PPP4R3A: variants seen among roughly 807,000 people sequenced by gnomAD.
The protein encoded by PPP4R3A is protein phosphatase 4 regulatory subunit 3A, also known as serine/threonine-protein phosphatase 4 regulatory subunit 3A.
Under a neutral mutation model 91.7 loss-of-function variants are expected in PPP4R3A, and 15 were observed. That is an observed-to-expected ratio of 0.16 (90% CI 0.11 to 0.25). PPP4R3A has a LOEUF of 0.25. Ranked by LOEUF, PPP4R3A falls within the 10% of genes least tolerant of loss-of-function variation. The pLI is 1.00. For missense variants in PPP4R3A, 623 were observed against 998.4 expected, an observed-to-expected ratio of 0.62 and a Z score of 5.07; for synonymous variants, 377 against 348.7, an observed-to-expected ratio of 1.08 and a Z score of -0.91.
At chr14:91,497,504 GA>G (rs946173807) in intron 1 of PPP4R3A, among the ~76,000 whole-genome samples, 1 of 152,036 alleles carries the variant, frequency 6.6e-6, no homozygotes, top group African/African-American at 2.4e-5. Context: ...GAAACACAGA[GA>G]AAAATGAAAA....
At chr14:91,494,759 A>G (rs1238492314) in intron 1 of PPP4R3A, among the ~76,000 whole-genome samples, 2 of 152,120 alleles carry the variant, frequency 1.3e-5, no homozygotes, top group African/African-American at 4.8e-5. Flanking sequence ...CCAGCTACTC[A>G]GGAGGCTGAG....
chr14:91,490,303 A>G (rs1164148968), intron 2 of PPP4R3A, among the ~76,000 whole-genome samples: 1 of 152,216 alleles, frequency 6.6e-6, no homozygotes, highest in African/African-American at 2.4e-5. Context: ...AAACTGTAGT[A>G]TCATAATAAG....
chr14:91,480,537 T>G (rs192134643), intron 4 of PPP4R3A, among the ~76,000 whole-genome samples: 3 of 152,374 alleles, frequency 2.0e-5, no homozygotes, highest in Admixed American at 6.5e-5. Context: ...TCTGGGAATT[T>G]TACAAATTCG....
Position 91,490,813 on chromosome 14 carries a change from G to GA in PPP4R3A, c.143-12dup, listed in dbSNP as rs1595077613. ...CTAAAAGTAGAGAACCTAGGAAACA[G>GA]AAAAAGACATTCCATTATGTTACTG... On this transcript the variant is annotated splice_polypyrimidine_tract_variant and intron_variant, in intron 1 of 14. Transcript: ENST00000554943. 1 of 1,590,868 alleles carries GA rather than the reference G, an allele frequency of 6.3e-7. No homozygotes were observed. The highest frequency in any genetic ancestry group is 1.4e-5 in the African/African-American group (1 of 72,384).
chr14:91,504,571 C>T (rs1229392151), intron 1 of PPP4R3A, among the ~76,000 whole-genome samples: 4 of 150,396 alleles, frequency 2.7e-5, no homozygotes, highest in Admixed American at 1.3e-4. Context: ...CATTGCACTC[C>T]GGCCTAAGTG....
Position 91,481,635 on chromosome 14 carries a change from A to T in PPP4R3A, c.856T>A (p.Leu286Ile). The change falls in exon 4 of 15, where the codon TTA (leucine) becomes ATA (isoleucine). Residue 286 changes from leucine (L) to isoleucine (I), a missense_variant. Around this residue, in one of 5 missense-constraint regions of PPP4R3A, gnomAD observed 264 missense variants for 377.3 expected, o/e 0.70. Coordinates refer to ENST00000554943, the MANE Select transcript of PPP4R3A (RefSeq NM_001366432.2). ...AAGATAAAAGAGTGAAGTGTTGATA[A>T]CATGTTTTCTTCAAAGACCGAAGGA... ...PTPSVFEENM[L>I]STLHSFIFFN... is the part of the protein sequence containing the mutation. The T allele has an allele frequency of 6.2e-7, 1 of 1,608,010 alleles. No individual in the cohort carries two copies.
chr14:91,471,062 C>T, intron 9 of PPP4R3A, 67 bp from the exon 10 acceptor site: 2 of 1,439,418 alleles, frequency 1.4e-6, no homozygotes, highest in Non-Finnish European at 1.9e-6. Context: ...AATGTAAGAA[C>T]TCAAATTCTA....
rs1050735284 is a variant in PPP4R3A at position 91,457,755 on chromosome 14, A to T, written c.*1004T>A. 1 of 152,652 alleles carries T rather than the reference A, an allele frequency of 6.6e-6. No individual in the cohort carries two copies. Among genetic ancestry groups the T allele is most frequent in the Admixed American group, 6.5e-5 (1 of 15,282 alleles). The allele number at this position is 152,652 out of a possible 1,614,324, so 9.5% of individuals were successfully genotyped here. ...TTTGGAATACTAATTTCATGTTTCT[A>T]GATTTAACAAAACTGTTGAAGTTTT... On this transcript the variant is annotated 3_prime_UTR_variant, in exon 15 of 15. Transcript: ENST00000554943.
intron 1 of PPP4R3A, among the ~76,000 whole-genome samples, chr14:91,507,420 A>ATATATACTATAATTGTATATACTATATAG (rs1566660364): frequency 1.3e-5 from 1 of 79,790 alleles, no homozygotes; most frequent in Non-Finnish European, 2.2e-5. Context: ...ATACTATATA[A>ATATATACTATAATTGTATATACTATATAG]TATATATACT....
chr14:91,463,001 G>A, intron 11 of PPP4R3A, 124 bp from the exon 12 acceptor site: 1 of 766,710 alleles, frequency 1.3e-6, no homozygotes, highest in Non-Finnish European at 2.1e-6. Flanking sequence ...TAATCTTAGA[G>A]ATAACCAAAC....
intron 5 of PPP4R3A, 37 bp downstream of exon 5, chr14:91,476,872 T>G: frequency 6.5e-7 from 1 of 1,534,440 alleles, no homozygotes; most frequent in Non-Finnish European, 8.8e-7. Context: ...GGCCAGTTGT[T>G]TTATTTTTAT....
At chr14:91,477,450 A>G (rs1889279302) in intron 4 of PPP4R3A, among the ~76,000 whole-genome samples, 1 of 152,192 alleles carries the variant, frequency 6.6e-6, no homozygotes, top group African/African-American at 2.4e-5. Flanking sequence ...ATGAAGACAA[A>G]GCTACTTTAG....
rs551304613 is a variant in PPP4R3A at position 91,490,142 on chromosome 14, G to A, written c.198+605C>T. On this transcript the variant is annotated intron_variant, in intron 2 of 14. Transcript: ENST00000554943. ...GTGTCTGTGTGGGTGTACGTGAAGC[G>A]CACGCGCGTGTGTACTGAATGAATA... 2.5e-3 allele frequency among the ~76,000 whole-genome samples: 376 copies of A among 152,316 alleles called. 3 individuals are homozygous for A. The highest frequency in any genetic ancestry group is 3.6e-3 in the Non-Finnish European group (244 of 68,034).
At chr14:91,481,168 C>CA (rs1416518112) in intron 4 of PPP4R3A, among the ~76,000 whole-genome samples, 2 of 152,098 alleles carry the variant, frequency 1.3e-5, no homozygotes, top group Non-Finnish European at 2.9e-5. Context: ...TCCATCTCTA[C>CA]AAAAAATACA....
intron 4 of PPP4R3A, among the ~76,000 whole-genome samples, chr14:91,479,537 T>TA (rs750797153): frequency 0.012 from 1,641 of 142,070 alleles, 15 homozygotes; most frequent in African/African-American, 0.023. Flanking sequence ...CTGGCTAATT[T>TA]AAAAAAAAAA....
intron 1 of PPP4R3A, among the ~76,000 whole-genome samples, chr14:91,494,036 G>C (rs746452337): frequency 8.6e-5 from 13 of 151,528 alleles, no homozygotes; most frequent in Non-Finnish European, 1.8e-4. Context: ...TGGGTCACTT[G>C]AGGTCAGCAG....
chr14:91,462,054 T>TTCC lies in PPP4R3A; in HGVS notation c.2156_2158dup (p.Arg719dup). On this transcript the variant is annotated inframe_insertion, in exon 13 of 15. Transcript: ENST00000554943. The stretch of plus-strand genomic sequence containing the variant: ...CCCATTTTTTTCCAACATACATTTC[T>TTCC]TCCTTTCCATGAATTTACTTATTGG... 1.3e-6 allele frequency: 2 copies of TTCC among 1,513,476 alleles called. No individual in the cohort carries two copies. Among genetic ancestry groups the TTCC allele is most frequent in the Non-Finnish European group, 8.8e-7 (1 of 1,131,718 alleles). The allele number at this position is 1,513,476 out of a possible 1,614,324, so 93.8% of individuals were successfully genotyped here.
At chr14:91,489,923 C>T (rs181430338) in intron 2 of PPP4R3A, among the ~76,000 whole-genome samples, 1 of 152,316 alleles carries the variant, frequency 6.6e-6, no homozygotes, top group Admixed American at 6.5e-5. Context: ...ACGACCTTTA[C>T]GCATCACCCA....
rs766250846 is a variant in PPP4R3A, at chr14:91,468,667, C to CAAAAAAA, written c.1660+2163_1660+2169dup. 7.1e-3 allele frequency among the ~76,000 whole-genome samples: 320 copies of CAAAAAAA among 44,832 alleles called. 16 individuals are homozygous for CAAAAAAA. The highest frequency in any genetic ancestry group is 0.017 in the East Asian group (10 of 574). The allele number at this position is 44,832 out of a possible 152,430, so 29.4% of individuals were successfully genotyped here. ...AAGGCGACAGAGTGAGACTCCGTCT[C>CAAAAAAA]AAAAAAAAAAAAAAAAAAAAAAGGA... On this transcript the variant is annotated intron_variant, in intron 10 of 14. Transcript: ENST00000554943.
Sources: allele counts gnomAD v4.1 joint callset (sites outside exome capture counted in the v4.1 genomes callset), GRCh38; gene constraint gnomAD v4.1.1; regional missense constraint gnomAD v4.1.1; transcripts MANE v1.5; gene names NCBI Gene and HGNC (gene_info 2026-07-23, HGNC 2026-07-21).